Variants in NECAB1 observed in about 807,000 individuals in gnomAD.
The protein encoded by NECAB1 is N-terminal EF-hand calcium binding protein 1.
NECAB1 carries 29 observed loss-of-function variants against 57.5 expected under a neutral mutation model. That is an observed-to-expected ratio of 0.50 (90% confidence interval 0.38 to 0.69). The LOEUF (loss-of-function observed/expected upper bound fraction) is 0.69, where lower values mean the gene tolerates loss of function less well. Among genes scored for constraint, NECAB1 ranks in the 30% least tolerant of loss-of-function variants. The pLI, the probability that NECAB1 is intolerant of heterozygous loss-of-function variation, is 0.00. For missense variants in NECAB1, 372 were observed against 413.8 expected, an observed-to-expected ratio of 0.90 and a Z score of 0.88; for synonymous variants, 142 against 147.7, an observed-to-expected ratio of 0.96 and a Z score of 0.28.
At chr8:90,879,204 T>C (rs1016691239) in intron 4 of NECAB1, among the ~76,000 whole-genome samples, 4 of 146,810 alleles carry the variant, frequency 2.7e-5, no homozygotes, top group African/African-American at 1.0e-4. Flanking sequence ...TTTTTTTTTT[T>C]TTTTAGACAA....
chr8:90,895,183 A>G (rs1477939996), intron 5 of NECAB1, among the ~76,000 whole-genome samples: 1 of 152,256 alleles, frequency 6.6e-6, no homozygotes, highest in Admixed American at 6.5e-5. Flanking sequence ...AAAGGGAAGC[A>G]CAGCACCTAG....
At chr8:90,899,463 A>G (rs1410328559) in intron 5 of NECAB1, among the ~76,000 whole-genome samples, 1 of 152,224 alleles carries the variant, frequency 6.6e-6, no homozygotes, top group East Asian at 1.9e-4. Context: ...CTGGGAATAG[A>G]AAGATCTAAA....
intron 1 of NECAB1, among the ~76,000 whole-genome samples, chr8:90,798,366 C>T (rs377515610): frequency 4.7e-4 from 71 of 152,152 alleles, no homozygotes; most frequent in African/African-American, 1.3e-3. Context: ...CACATGATGG[C>T]GAGATTTGGG....
intron 3 of NECAB1, among the ~76,000 whole-genome samples, chr8:90,846,021 T>C (rs1157421403): frequency 6.6e-6 from 1 of 152,196 alleles, no homozygotes; most frequent in African/African-American, 2.4e-5. Context: ...TCTTAAATTA[T>C]CTGAAGCAGA....
chr8:90,817,679 G>A (rs1812080774), intron 2 of NECAB1, among the ~76,000 whole-genome samples: 1 of 151,610 alleles, frequency 6.6e-6, no homozygotes, highest in Admixed American at 6.6e-5. Flanking sequence ...ATCTTGGTGT[G>A]TAATTTTTAA....
At chr8:90,817,107 C>T (rs1362271048) in intron 2 of NECAB1, among the ~76,000 whole-genome samples, 7 of 151,730 alleles carry the variant, frequency 4.6e-5, no homozygotes, top group Non-Finnish European at 1.0e-4. Flanking sequence ...ATTCCAATTG[C>T]TTATTGCTGA....
At chr8:90,809,066 T>A (rs1467199964) in intron 2 of NECAB1, among the ~76,000 whole-genome samples, 1 of 152,224 alleles carries the variant, frequency 6.6e-6, no homozygotes, top group Non-Finnish European at 1.5e-5. Context: ...ACTCCAGAGC[T>A]GCACTAGTGT....
At chr8:90,951,235 G>A (rs1326147118) in intron 12 of NECAB1, 31 bp downstream of exon 12, 2 of 1,326,760 alleles carry the variant, frequency 1.5e-6, no homozygotes, top group Non-Finnish European at 2.1e-6. Context: ...ATGCTTCTGT[G>A]TCCTTTTGTA....
chr8:90,914,364 G>A (rs958934247), intron 5 of NECAB1, among the ~76,000 whole-genome samples: 3 of 152,208 alleles, frequency 2.0e-5, no homozygotes, highest in South Asian at 4.1e-4. Flanking sequence ...GAGAAGTGGT[G>A]GTTCAAGGAA....
chr8:90,794,406 A>C (rs2130636439), intron 1 of NECAB1, among the ~76,000 whole-genome samples: 1 of 152,320 alleles, frequency 6.6e-6, no homozygotes, highest in East Asian at 1.9e-4. Context: ...TACCTGTTCC[A>C]AACTGGAACA....
chr8:90,890,941 T>A (rs986398073), intron 5 of NECAB1, among the ~76,000 whole-genome samples: 5 of 152,206 alleles, frequency 3.3e-5, no homozygotes, highest in African/African-American at 1.2e-4. Context: ...GTAAGACTAA[T>A]AAATAGGAAA....
intron 3 of NECAB1, among the ~76,000 whole-genome samples, chr8:90,826,597 C>T (rs1355180425): frequency 6.6e-6 from 1 of 151,724 alleles, no homozygotes; most frequent in East Asian, 1.9e-4. Flanking sequence ...ATTTCTTCCT[C>T]GTTACAATTA....
chr8:90,811,812 G>C (rs541990451), intron 2 of NECAB1, among the ~76,000 whole-genome samples: 1 of 152,288 alleles, frequency 6.6e-6, no homozygotes, highest in Admixed American at 6.5e-5. Flanking sequence ...AGAATAAAGA[G>C]AGAATTTCTC....
At chr8:90,864,193 G>A (rs187142607) in intron 3 of NECAB1, among the ~76,000 whole-genome samples, 2 of 151,754 alleles carry the variant, frequency 1.3e-5, no homozygotes, top group East Asian at 3.9e-4. Flanking sequence ...CAGAGAGTCT[G>A]AGAAGCACTG....
intron 6 of NECAB1, among the ~76,000 whole-genome samples, chr8:90,918,835 C>T (rs1042728243): frequency 4.0e-5 from 6 of 151,774 alleles, no homozygotes; most frequent in South Asian, 2.1e-4. Flanking sequence ...ACTTCACTAC[C>T]GTGTATTCCT....
Position 90,956,027 on chromosome 8 carries a change from T to C in NECAB1, c.*515T>C, listed in dbSNP as rs1811025225. On this transcript the variant is annotated 3_prime_UTR_variant, in exon 13 of 13. Coordinates refer to ENST00000417640, the MANE Select transcript of NECAB1 (RefSeq NM_022351.5). ...CTCACAGCCCTATGACTACTATCTTTGCATTAGTTAAAAAGTTAGTATATA... is the reference window on the plus strand; with the variant it reads ...CTCACAGCCCTATGACTACTATCTTCGCATTAGTTAAAAAGTTAGTATATA... The C allele has an allele frequency of 6.6e-6, 1 of 152,240 alleles. No homozygotes were observed. The highest frequency in any genetic ancestry group is 1.5e-5 in the Non-Finnish European group (1 of 68,084). The allele number at this position is 152,240 out of a possible 1,614,324, so 9.4% of individuals were successfully genotyped here.
At chr8:90,872,098 A>G in intron 3 of NECAB1, 30 bp from the exon 4 acceptor site, 1 of 1,526,012 alleles carries the variant, frequency 6.6e-7, no homozygotes, top group Non-Finnish European at 8.9e-7. Context: ...CAAAGTAATA[A>G]CACTGTTTTT....
At chr8:90,861,864 C>T (rs911996733) in intron 3 of NECAB1, among the ~76,000 whole-genome samples, 3 of 152,100 alleles carry the variant, frequency 2.0e-5, no homozygotes, top group Admixed American at 6.6e-5. Flanking sequence ...CAGGATACAG[C>T]CTTCTGGTAC....
chr8:90,821,847 T>A (rs1014736119), intron 2 of NECAB1, among the ~76,000 whole-genome samples: 1 of 151,812 alleles, frequency 6.6e-6, no homozygotes, highest in African/African-American at 2.4e-5. Flanking sequence ...AAACATTTGA[T>A]GAAAGAGTGG....
Sources: gnomAD v4.1 joint callset for allele counts (sites outside exome capture counted in the v4.1 genomes callset) on GRCh38, gnomAD v4.1.1 for gene constraint, MANE v1.5 for transcripts, NCBI Gene and HGNC (gene_info 2026-07-23, HGNC 2026-07-21) for gene names.